EHBP1: variants seen among roughly 807,000 people sequenced by gnomAD.
EHBP1 encodes EH domain binding protein 1, also known as EH domain-binding protein 1.
A neutral mutation model predicts 144.0 loss-of-function variants in EHBP1; 55 were observed. The ratio of observed to expected loss-of-function variants is 0.38; its 90% confidence interval spans 0.31 to 0.48. The LOEUF is 0.48. Among genes scored for constraint, EHBP1 ranks in the 20% least tolerant of loss-of-function variants. The pLI is 0.98. For missense variants in EHBP1, 1,200 were observed against 1,364.2 expected, an observed-to-expected ratio of 0.88 and a Z score of 1.90; for synonymous variants, 469 against 472.7, an observed-to-expected ratio of 0.99 and a Z score of 0.10.
chr2:62,797,409 A>G (rs1291232001), intron 5 of EHBP1, among the ~76,000 whole-genome samples: 2 of 152,248 alleles, frequency 1.3e-5, no homozygotes, highest in Non-Finnish European at 2.9e-5. Flanking sequence ...AATTTTTATC[A>G]ATAGTTAACC....
At chr2:62,676,515 G>C (rs2033301327) in intron 1 of EHBP1, among the ~76,000 whole-genome samples, 1 of 152,134 alleles carries the variant, frequency 6.6e-6, no homozygotes, top group Non-Finnish European at 1.5e-5. Context: ...TGTTTATTTG[G>C]TGTGAATAAA....
intron 19 of EHBP1, among the ~76,000 whole-genome samples, chr2:63,028,035 T>A (rs1312554731): frequency 6.6e-6 from 1 of 152,092 alleles, no homozygotes; most frequent in Non-Finnish European, 1.5e-5. Context: ...AGTGCTGGGA[T>A]TACAGGCGTG....
intron 7 of EHBP1, among the ~76,000 whole-genome samples, chr2:62,853,934 T>C (rs1380043540): frequency 6.6e-6 from 1 of 152,194 alleles, no homozygotes; most frequent in Non-Finnish European, 1.5e-5. Flanking sequence ...GCTTAAAATA[T>C]TCAGTAAGCC....
rs375725835 is a variant in EHBP1 at position 62,826,218 on chromosome 2, C to T, written c.444C>T (p.Ala148=). The part of the protein sequence containing the change: ...FKPLSKKVVS[A]ALQFSLSCIF... ...CATTATCTAAAAAAGTTGTATCTGC[C>T]GCTCTTCAGTTTTCATTATCTTGCA... The change falls in exon 6 of 23, where the codon GCC becomes GCT. Residue 148 remains alanine (A), a synonymous_variant. Coordinates refer to ENST00000431489, the MANE Select transcript of EHBP1 (RefSeq NM_001142616.3). 91 of 1,605,174 alleles carry T rather than the reference C, an allele frequency of 5.7e-5. No homozygotes were observed. Among genetic ancestry groups the T allele is most frequent in the African/African-American group, 1.7e-4 (13 of 74,348 alleles).
intron 10 of EHBP1, among the ~76,000 whole-genome samples, chr2:62,913,830 A>G (rs1366170732): frequency 1.3e-5 from 2 of 152,214 alleles, no homozygotes; most frequent in Non-Finnish European, 2.9e-5. Context: ...CTTGTCGTCT[A>G]GTAAAGCATA....
intron 2 of EHBP1, among the ~76,000 whole-genome samples, chr2:62,712,339 G>A (rs1265480997): frequency 6.6e-6 from 1 of 152,154 alleles, no homozygotes; most frequent in Admixed American, 6.5e-5. Context: ...CTGGGAGGGA[G>A]GTGACAGTTG....
intron 5 of EHBP1, among the ~76,000 whole-genome samples, chr2:62,808,877 G>T (rs969861318): frequency 1.3e-5 from 2 of 152,100 alleles, no homozygotes; most frequent in African/African-American, 2.4e-5. Flanking sequence ...CCCTTCTTAC[G>T]TGGGGCAGGA....
chr2:62,841,416 A>G (rs973064781), intron 7 of EHBP1, among the ~76,000 whole-genome samples: 1 of 151,832 alleles, frequency 6.6e-6, no homozygotes, highest in East Asian at 1.9e-4. Context: ...GGTGCAGTGC[A>G]CCAGCATGGC....
At chr2:62,959,155 C>T (rs1165209658) in intron 14 of EHBP1, among the ~76,000 whole-genome samples, 4 of 152,180 alleles carry the variant, frequency 2.6e-5, no homozygotes, top group Non-Finnish European at 2.9e-5. Flanking sequence ...TGGCTTATTT[C>T]ACTTAGCATA....
intron 21 of EHBP1, chr2:63,044,184 A>T (rs1409568570): frequency 6.8e-6 from 1 of 146,590 alleles, no homozygotes; most frequent in Non-Finnish European, 1.5e-5. Context: ...TTTCTATTAA[A>T]TGAAACTGCT....
intron 15 of EHBP1, chr2:62,988,188 A>G: frequency 3.7e-6 from 2 of 540,468 alleles, no homozygotes; most frequent in Non-Finnish European, 6.4e-6. Flanking sequence ...CCTTCCATCA[A>G]TTTTATGTTA....
chr2:62,748,375 C>A (rs1268183150), intron 3 of EHBP1, among the ~76,000 whole-genome samples: 1 of 152,064 alleles, frequency 6.6e-6, no homozygotes, highest in African/African-American at 2.4e-5. Context: ...TCTATCCTGG[C>A]CAGATTCTAT....
At chr2:62,715,453 CTTTT>C in intron 2 of EHBP1, among the ~76,000 whole-genome samples, 1 of 140,272 alleles carries the variant, frequency 7.1e-6, no homozygotes, top group East Asian at 2.1e-4. Context: ...TATTTCTTTT[CTTTT>C]TTTTTTTTGG....
At chr2:63,029,780 A>G (rs533348223) in intron 19 of EHBP1, among the ~76,000 whole-genome samples, 1 of 152,220 alleles carries the variant, frequency 6.6e-6, no homozygotes, top group African/African-American at 2.4e-5. Flanking sequence ...CGTCCAGGCT[A>G]GAGTGCAGTG....
At chr2:62,989,171 A>T (rs1176168638) in intron 15 of EHBP1, among the ~76,000 whole-genome samples, 2 of 152,164 alleles carry the variant, frequency 1.3e-5, no homozygotes, top group Non-Finnish European at 2.9e-5. Context: ...CTTTCTGTTT[A>T]AAATACTACA....
At chr2:62,831,250 A>T (rs2046806482) in intron 7 of EHBP1, 92 bp downstream of exon 7, 9 of 1,274,424 alleles carry the variant, frequency 7.1e-6, no homozygotes, top group Non-Finnish European at 8.6e-6. Context: ...AATTCTACTT[A>T]TTGGGTTTCT....
chr2:62,967,217 A>C (rs1320456308), intron 14 of EHBP1, among the ~76,000 whole-genome samples: 1 of 152,208 alleles, frequency 6.6e-6, no homozygotes, highest in Non-Finnish European at 1.5e-5. Context: ...ATTTGGCTGC[A>C]GGGGAGTAGT....
At chr2:62,850,966 C>G (rs574011927) in intron 7 of EHBP1, among the ~76,000 whole-genome samples, 2 of 152,174 alleles carry the variant, frequency 1.3e-5, no homozygotes, top group Non-Finnish European at 2.9e-5. Context: ...CTGTCTAAAA[C>G]TAATAGCCCA....
At chr2:62,865,560 A>C (rs951145237) in intron 9 of EHBP1, among the ~76,000 whole-genome samples, 8 of 152,234 alleles carry the variant, frequency 5.3e-5, no homozygotes, top group Non-Finnish European at 1.0e-4. Flanking sequence ...GCTACAGACC[A>C]TGACATTAAG....
Sources: gnomAD v4.1 joint callset for allele counts (sites outside exome capture counted in the v4.1 genomes callset) on GRCh38, gnomAD v4.1.1 for gene constraint, MANE v1.5 for transcripts, NCBI Gene and HGNC (gene_info 2026-07-23, HGNC 2026-07-21) for gene names.